CACNG2: variants seen among roughly 807,000 people sequenced by gnomAD.
CACNG2 encodes the protein voltage-dependent calcium channel gamma-2 subunit.
A neutral mutation model predicts 25.9 loss-of-function variants in CACNG2; 3 were observed. That is an observed-to-expected ratio of 0.12 (90% CI 0.05 to 0.30). CACNG2 has a LOEUF of 0.30. CACNG2 is among the 10% of genes least tolerant of loss of function. The pLI, the probability that CACNG2 is intolerant of heterozygous loss-of-function variation, is 1.00. For synonymous variants in CACNG2, 167 were observed against 173.3 expected (o/e 0.96, Z 0.29); for missense variants, 341 against 432.5 (o/e 0.79, Z 1.88).
chr22:36,701,510 C>T (rs1038446476), intron 1 of CACNG2, among the ~76,000 whole-genome samples: 2 of 151,812 alleles, frequency 1.3e-5, no homozygotes, highest in Non-Finnish European at 2.9e-5. Flanking sequence ...CTGACACCCC[C>T]ACTCCCCCCT....
At chr22:36,669,648 T>A (rs1936922586) in intron 1 of CACNG2, among the ~76,000 whole-genome samples, 2 of 152,224 alleles carry the variant, frequency 1.3e-5, no homozygotes, top group South Asian at 4.2e-4. Context: ...TGTGCTCATG[T>A]CAGCACTCTC....
At chr22:36,576,537 TAAAA>T (rs35888972) in intron 2 of CACNG2, among the ~76,000 whole-genome samples, 1 of 145,980 alleles carries the variant, frequency 6.9e-6, no homozygotes, top group Non-Finnish European at 1.5e-5. Context: ...AATAAAAAAT[TAAAA>T]AAAAAAACAC....
chr22:36,639,393 G>C (rs1936407578), intron 1 of CACNG2, among the ~76,000 whole-genome samples: 1 of 152,208 alleles, frequency 6.6e-6, no homozygotes, highest in Non-Finnish European at 1.5e-5. Flanking sequence ...GAGGCATCTG[G>C]ACAGGAGGGG....
chr22:36,702,665 T>TA lies in CACNG2; in HGVS notation c.-90dup, dbSNP rs1020266051. The TA allele has an allele frequency of 9.1e-6, 8 of 882,166 alleles. No individual in the cohort carries two copies. The African/African-American group carries it at 1.3e-4, about 15-fold the overall frequency. The allele number at this position is 882,166 out of a possible 1,614,324, so 54.6% of individuals were successfully genotyped here. On this transcript the variant is annotated 5_prime_UTR_variant, in exon 1 of 4. Coordinates refer to ENST00000300105, the MANE Select transcript of CACNG2 (RefSeq NM_006078.5). ...AAGTACTAAAGCCAAAAAAAATAAATAAAAATAAAAATTATTCCACTACTA... is the reference window on the plus strand; with the variant it reads ...AAGTACTAAAGCCAAAAAAAATAAATAAAAAATAAAAATTATTCCACTACTA...
At chr22:36,652,690 C>T (rs1221628433) in intron 1 of CACNG2, among the ~76,000 whole-genome samples, 1 of 152,104 alleles carries the variant, frequency 6.6e-6, no homozygotes, top group Admixed American at 6.5e-5. Context: ...GCAGAAAGGA[C>T]CACACCTATG....
chr22:36,673,556 CA>C (rs1228703850), intron 1 of CACNG2, among the ~76,000 whole-genome samples: 3 of 152,064 alleles, frequency 2.0e-5, no homozygotes, highest in Non-Finnish European at 2.9e-5. Context: ...AAAGCACCAT[CA>C]GGGGCACCGC....
rs5756241 is a variant in CACNG2, at chr22:36,561,853, A to T, written c.*2498T>A. ...GCCCTTGACCTTTAGTCTGTGGTGCAAGTTTAACTTTTGGGGTTGGTCCTT... is the reference window on the plus strand; with the variant it reads ...GCCCTTGACCTTTAGTCTGTGGTGCTAGTTTAACTTTTGGGGTTGGTCCTT... On this transcript the variant is annotated 3_prime_UTR_variant, in exon 4 of 4. Transcript: ENST00000300105. 43,030 of 152,134 alleles carry T rather than the reference A, an allele frequency of 0.28. 6,240 individuals are homozygous for T. The highest frequency in any genetic ancestry group is 0.33 in the African/African-American group (13,807 of 41,466). The allele number at this position is 152,134 out of a possible 1,614,324, so 9.4% of individuals were successfully genotyped here.
intron 1 of CACNG2, among the ~76,000 whole-genome samples, chr22:36,684,229 A>G (rs1601455172): frequency 6.6e-6 from 1 of 152,246 alleles, no homozygotes; most frequent in East Asian, 1.9e-4. Context: ...TTTTGAAGGC[A>G]TGTTAAAAAT....
At chr22:36,617,514 A>G (rs1025703948) in intron 1 of CACNG2, among the ~76,000 whole-genome samples, 1 of 151,746 alleles carries the variant, frequency 6.6e-6, no homozygotes, top group Non-Finnish European at 1.5e-5. Context: ...TGTTGAGCCA[A>G]TTTACTTAAT....
chr22:36,619,880 G>A (rs190247449), intron 1 of CACNG2, among the ~76,000 whole-genome samples: 8 of 152,328 alleles, frequency 5.3e-5, no homozygotes, highest in African/African-American at 1.4e-4. Flanking sequence ...TGCCACTCTC[G>A]TGGCAGCTGG....
chr22:36,637,429 C>T (rs1265638695), intron 1 of CACNG2, among the ~76,000 whole-genome samples: 1 of 152,080 alleles, frequency 6.6e-6, no homozygotes, highest in Admixed American at 6.5e-5. Flanking sequence ...TTCTCTTTGG[C>T]ATGGAGTATA....
chr22:36,590,939 G>A (rs1053258377), intron 1 of CACNG2, among the ~76,000 whole-genome samples: 2 of 152,040 alleles, frequency 1.3e-5, no homozygotes, highest in African/African-American at 4.8e-5. Flanking sequence ...CACGTCCTCT[G>A]TTGCCTCTTT....
intron 1 of CACNG2, among the ~76,000 whole-genome samples, chr22:36,633,144 A>C (rs1181456625): frequency 3.3e-5 from 5 of 152,152 alleles, no homozygotes; most frequent in Admixed American, 2.0e-4. Context: ...CTATCAGATC[A>C]TTCTGCATCC....
chr22:36,578,251 C>G (rs973367847), intron 2 of CACNG2, among the ~76,000 whole-genome samples: 1 of 151,442 alleles, frequency 6.6e-6, no homozygotes, highest in African/African-American at 2.4e-5. Flanking sequence ...CCTGTAATCC[C>G]AGCTACTGAG....
At chr22:36,651,640 T>G (rs978534369) in intron 1 of CACNG2, among the ~76,000 whole-genome samples, 1 of 152,184 alleles carries the variant, frequency 6.6e-6, no homozygotes, top group African/African-American at 2.4e-5. Context: ...TTTGTTATTG[T>G]GTCTCTCCCC....
intron 1 of CACNG2, among the ~76,000 whole-genome samples, chr22:36,681,286 C>G (rs957005798): frequency 6.6e-6 from 1 of 152,122 alleles, no homozygotes; most frequent in African/African-American, 2.4e-5. Flanking sequence ...GCTTCCAAGC[C>G]CTCGCAGAGA....
At chr22:36,576,577 T>C (rs1195179433) in intron 2 of CACNG2, among the ~76,000 whole-genome samples, 2 of 150,660 alleles carry the variant, frequency 1.3e-5, no homozygotes, top group African/African-American at 2.4e-5. Context: ...TGTGTGCGTG[T>C]GTGTGTGTGT....
chr22:36,671,870 G>T (rs1489216386), intron 1 of CACNG2, among the ~76,000 whole-genome samples: 2 of 152,164 alleles, frequency 1.3e-5, no homozygotes, highest in African/African-American at 4.8e-5. Context: ...GGGACATTTT[G>T]CTAGGAAGAA....
At chr22:36,655,309 C>G (rs1490399110) in intron 1 of CACNG2, among the ~76,000 whole-genome samples, 1 of 152,198 alleles carries the variant, frequency 6.6e-6, no homozygotes, top group Non-Finnish European at 1.5e-5. Context: ...ATCAACTTTT[C>G]TACCTGAGGT....
Sources: allele counts gnomAD v4.1 joint callset (sites outside exome capture counted in the v4.1 genomes callset), GRCh38; gene constraint gnomAD v4.1.1; transcripts MANE v1.5; gene names NCBI Gene and HGNC (gene_info 2026-07-23, HGNC 2026-07-21).